PCCB: variants seen among roughly 807,000 people sequenced by gnomAD.
The protein encoded by PCCB is propionyl-CoA carboxylase beta chain, mitochondrial.
In PCCB, 43 loss-of-function variants were observed where a neutral mutation model predicts 60.7. That is an observed-to-expected ratio of 0.71 (90% confidence interval 0.55 to 0.91). The LOEUF is 0.91. Among genes scored for constraint, PCCB ranks in the 40% least tolerant of loss-of-function variants. PCCB has a pLI of 0.00. For missense variants in PCCB, 766 were observed against 702.8 expected, an observed-to-expected ratio of 1.09 and a Z score of -1.02; for synonymous variants, 276 against 255.9, an observed-to-expected ratio of 1.08 and a Z score of -0.75.
intron 1 of PCCB, 77 bp downstream of exon 1, chr3:136,250,635 C>T: frequency 4.9e-6 from 7 of 1,419,368 alleles, no homozygotes; most frequent in Non-Finnish European, 6.7e-6. Flanking sequence ...TTGCGGCGTC[C>T]GAGGCCTCCC....
At chr3:136,328,729 A>C (rs975414131) in intron 13 of PCCB, 29 bp from the exon 14 acceptor site, 1 of 1,576,760 alleles carries the variant, frequency 6.3e-7, no homozygotes. Flanking sequence ...GGGACGACCA[A>C]AGATGTTCAT....
intron 5 of PCCB, among the ~76,000 whole-genome samples, chr3:136,270,566 C>T (rs77329453): frequency 3.9e-5 from 6 of 152,082 alleles, no homozygotes; most frequent in East Asian, 1.9e-4. Flanking sequence ...AGTACAATGG[C>T]GCGATCTCGG....
intron 5 of PCCB, among the ~76,000 whole-genome samples, chr3:136,269,198 T>G (rs907055804): frequency 2.0e-5 from 3 of 152,112 alleles, no homozygotes; most frequent in African/African-American, 7.2e-5. Flanking sequence ...GGAGAATCGC[T>G]TGAATCCAGG....
chr3:136,273,080 T>C (rs1411564656), intron 5 of PCCB, among the ~76,000 whole-genome samples: 1 of 152,224 alleles, frequency 6.6e-6, no homozygotes, highest in African/African-American at 2.4e-5. Flanking sequence ...ACCCAGAAAT[T>C]ATTCAGGAGC....
intron 6 of PCCB, among the ~76,000 whole-genome samples, chr3:136,288,421 C>CTT (rs1376426599): frequency 1.3e-5 from 2 of 152,012 alleles, no homozygotes; most frequent in African/African-American, 2.4e-5. Flanking sequence ...TCTCAGCTCA[C>CTT]TGCAACCTTC....
At chr3:136,287,666 C>T (rs766344710) in intron 6 of PCCB, among the ~76,000 whole-genome samples, 4 of 152,108 alleles carry the variant, frequency 2.6e-5, no homozygotes, top group Non-Finnish European at 5.9e-5. Flanking sequence ...AAACTCTTGG[C>T]CTCAAGTAAT....
At chr3:136,316,762 C>T (rs1934911522) in intron 9 of PCCB, among the ~76,000 whole-genome samples, 179 bp from the exon 10 acceptor site, 1 of 152,182 alleles carries the variant, frequency 6.6e-6, no homozygotes, top group Admixed American at 6.5e-5. Context: ...CATTTCTCCC[C>T]AGCAGGGAGG....
At chr3:136,276,478 G>A (rs1356689388) in intron 5 of PCCB, among the ~76,000 whole-genome samples, 1 of 152,076 alleles carries the variant, frequency 6.6e-6, no homozygotes, top group Non-Finnish European at 1.5e-5. Flanking sequence ...CCAGCTATTC[G>A]GATCAGACAG....
At chr3:136,301,732 A>G (rs990695115) in intron 9 of PCCB, among the ~76,000 whole-genome samples, 11 of 152,048 alleles carry the variant, frequency 7.2e-5, no homozygotes, top group African/African-American at 2.7e-4. Context: ...TAGAAGTCAG[A>G]TTCTCCCTCT....
At chr3:136,277,362 G>A (rs1487037141) in intron 5 of PCCB, among the ~76,000 whole-genome samples, 3 of 152,162 alleles carry the variant, frequency 2.0e-5, no homozygotes, top group Non-Finnish European at 4.4e-5. Context: ...ATCCAGCCTG[G>A]AGGTAGCGTT....
chr3:136,272,918 G>A (rs1942238549), intron 5 of PCCB, among the ~76,000 whole-genome samples: 1 of 152,054 alleles, frequency 6.6e-6, no homozygotes, highest in Non-Finnish European at 1.5e-5. Flanking sequence ...TAGATTGTCA[G>A]TTTGTGTTCT....
intron 7 of PCCB, among the ~76,000 whole-genome samples, chr3:136,296,600 G>GT (rs1933952061): frequency 6.6e-6 from 1 of 152,026 alleles, no homozygotes; most frequent in South Asian, 2.1e-4. Context: ...GTAGACATAT[G>GT]TTTTCATTTC....
At chr3:136,284,049 T>C in intron 6 of PCCB, 102 bp downstream of exon 6, 1 of 774,722 alleles carries the variant, frequency 1.3e-6, no homozygotes, top group Non-Finnish European at 2.3e-6. Context: ...TTACCTGCAT[T>C]CTCATTGGCT....
chr3:136,330,075 C>G lies in PCCB; in HGVS notation c.*49C>G. On this transcript the variant is annotated 3_prime_UTR_variant, in exon 15 of 15. Coordinates refer to ENST00000251654, the MANE Select transcript of PCCB (RefSeq NM_000532.5). ...AGAACTGAATTACTGTCTGCCCATT[C>G]ACATCCCATTCCTGCCTTTTGCAAT... 6.2e-7 allele frequency: 1 copy of G among 1,612,976 alleles called. No homozygotes were observed. The highest frequency in any genetic ancestry group is 8.5e-7 in the Non-Finnish European group (1 of 1,179,392).
chr3:136,283,777 C>T, intron 5 of PCCB, 60 bp from the exon 6 acceptor site: 1 of 1,162,926 alleles, frequency 8.6e-7, no homozygotes, highest in South Asian at 1.2e-5. Context: ...CTTTATCTTT[C>T]CACAGATAAT....
chr3:136,316,888 A>G, intron 9 of PCCB, 53 bp from the exon 10 acceptor site: 2 of 1,595,480 alleles, frequency 1.3e-6, no homozygotes, highest in Non-Finnish European at 1.7e-6. Flanking sequence ...GTGTCATTAC[A>G]TCTTATACTT....
Position 136,268,809 on chromosome 3 carries a change from G to T in PCCB, c.543+6744G>T, listed in dbSNP as rs543177582. ...AAAAATGCCTGCTGAGATTTGATAG[G>T]AACTGCATTGAGTCTGTAGATGAAT... is the stretch of plus-strand genomic sequence containing the variant. On this transcript the variant is annotated intron_variant, in intron 5 of 14. Transcript: ENST00000251654. Among the ~76,000 whole-genome samples, 11 of 152,198 alleles carry T rather than the reference G, an allele frequency of 7.2e-5. No homozygotes were observed. The South Asian group carries it at 2.3e-3, about 32-fold the overall frequency.
intron 5 of PCCB, among the ~76,000 whole-genome samples, chr3:136,278,027 C>T (rs1942378751): frequency 6.6e-6 from 1 of 152,168 alleles, no homozygotes; most frequent in Non-Finnish European, 1.5e-5. Context: ...TTCTTTCAAC[C>T]TGCGACCACT....
At chr3:136,292,236 G>GT (rs11385401) in intron 6 of PCCB, among the ~76,000 whole-genome samples, 40,323 of 144,792 alleles carry the variant, frequency 0.28, 5,840 homozygotes, top group Non-Finnish European at 0.34. Flanking sequence ...TGTGTCTCTA[G>GT]TTTTTTTTTT....
Sources: gnomAD v4.1 joint callset for allele counts (sites outside exome capture counted in the v4.1 genomes callset) on GRCh38, gnomAD v4.1.1 for gene constraint, MANE v1.5 for transcripts, NCBI Gene and HGNC (gene_info 2026-07-23, HGNC 2026-07-21) for gene names.